TNFRSF9: variants seen among roughly 807,000 people sequenced by gnomAD.
The protein encoded by TNFRSF9 is TNF receptor superfamily member 9, also known as tumor necrosis factor receptor superfamily member 9.
A neutral mutation model predicts 28.8 loss-of-function variants in TNFRSF9; 16 were observed. That is an observed-to-expected ratio of 0.55 (90% CI 0.38 to 0.84). The LOEUF (loss-of-function observed/expected upper bound fraction) is 0.84. Ranked by LOEUF, TNFRSF9 falls within the 40% of genes least tolerant of loss-of-function variation. The probability of loss-of-function intolerance (pLI) is 0.00; values close to 1 mark genes in which losing one functional copy is unlikely to be tolerated. For missense variants in TNFRSF9, 303 were observed against 315.0 expected (o/e 0.96, Z 0.29); for synonymous variants, 131 against 117.0 (o/e 1.12, Z -0.77).
chr1:7,935,791 A>G (rs796696657), intron 5 of TNFRSF9, among the ~76,000 whole-genome samples: 5 of 152,222 alleles, frequency 3.3e-5, no homozygotes, highest in African/African-American at 1.2e-4. Context: ...CAGGAGTTTG[A>G]CGCTGTCTCA....
intron 6 of TNFRSF9, among the ~76,000 whole-genome samples, chr1:7,934,698 C>T (rs533934032): frequency 6.6e-6 from 1 of 151,574 alleles, no homozygotes; most frequent in African/African-American, 2.4e-5. Flanking sequence ...CAGAGCAAGA[C>T]ACTCTCTTAA....
At chr1:7,934,992 G>A (rs368813924) in intron 6 of TNFRSF9, 21 bp downstream of exon 6, 345 of 1,612,702 alleles carry the variant, frequency 2.1e-4, no homozygotes, top group Non-Finnish European at 2.7e-4. Flanking sequence ...GCACTTTGGC[G>A]TAAAGGCATA....
chr1:7,926,715 A>G (rs1157235859), intron 7 of TNFRSF9, among the ~76,000 whole-genome samples: 2 of 152,196 alleles, frequency 1.3e-5, no homozygotes, highest in African/African-American at 4.8e-5. Flanking sequence ...GCTGTGTGGT[A>G]TTGGCAGAAG....
chr1:7,934,105 G>A (rs1639779975), intron 6 of TNFRSF9, among the ~76,000 whole-genome samples: 1 of 152,184 alleles, frequency 6.6e-6, no homozygotes, highest in Non-Finnish European at 1.5e-5. Flanking sequence ...ACCAGGCGTG[G>A]CGGCTTATGC....
intron 7 of TNFRSF9, among the ~76,000 whole-genome samples, chr1:7,921,602 A>C (rs926772296): frequency 6.6e-6 from 1 of 151,964 alleles, no homozygotes; most frequent in African/African-American, 2.4e-5. Context: ...TGGGAGGTGG[A>C]GGTTGCAGTG....
chr1:7,937,920 G>T (rs569858218), intron 4 of TNFRSF9, among the ~76,000 whole-genome samples, 164 bp from the exon 5 acceptor site: 1 of 152,154 alleles, frequency 6.6e-6, no homozygotes, highest in Admixed American at 6.5e-5. Flanking sequence ...TATTTTAATT[G>T]TACATAAAGT....
intron 4 of TNFRSF9, 45 bp downstream of exon 4, chr1:7,938,148 G>A (rs781459481): frequency 2.7e-6 from 4 of 1,490,582 alleles, no homozygotes; most frequent in East Asian, 2.5e-5. Context: ...AGCTAAGTTT[G>A]TCTATGTCAC....
intron 6 of TNFRSF9, 116 bp downstream of exon 6, chr1:7,934,897 G>T: frequency 7.3e-7 from 1 of 1,375,004 alleles, no homozygotes; most frequent in Non-Finnish European, 1.0e-6. Flanking sequence ...GCAGGATTCA[G>T]GAAGAATGCA....
Position 7,920,924 on chromosome 1 carries a change from C to G in TNFRSF9, c.680-1G>C. The G allele has an allele frequency of 1.9e-6, 3 of 1,603,272 alleles. No individual in the cohort carries two copies. In the East Asian group the frequency reaches 6.7e-5, roughly 36 times the overall value. On this transcript the variant is annotated splice_acceptor_variant, in intron 7 of 7. Coordinates refer to ENST00000377507, the MANE Select transcript of TNFRSF9 (RefSeq NM_001561.6). LOFTEE classifies it high-confidence loss of function. ...GTAGTTTGTACTGGTCTCATAAATG[C>G]TAAAAAAAAAATTTTAAGATACGTA...
intron 7 of TNFRSF9, among the ~76,000 whole-genome samples, chr1:7,925,234 GGAGGTGC>G (rs1014237684): frequency 1.8e-4 from 27 of 151,990 alleles, no homozygotes; most frequent in African/African-American, 6.5e-4. Context: ...CTTGAACCTG[GGAGGTGC>G]AGGCTGCAGT....
At chr1:7,940,144 A>G (rs565381716) in intron 1 of TNFRSF9, 66 bp from the exon 2 acceptor site, 6 of 536,442 alleles carry the variant, frequency 1.1e-5, no homozygotes, top group Non-Finnish European at 2.0e-5. Flanking sequence ...TATTGCAATC[A>G]TTACTTATAC....
chr1:7,926,763 C>T (rs142998923), intron 7 of TNFRSF9, among the ~76,000 whole-genome samples: 1 of 152,212 alleles, frequency 6.6e-6, no homozygotes, highest in East Asian at 1.9e-4. Flanking sequence ...AGAGGGAAAC[C>T]AGATAGCCCC....
rs918888748 is a variant in TNFRSF9, at chr1:7,918,433, T to A, written c.*2402A>T. 2 of 151,944 alleles carry A rather than the reference T, an allele frequency of 1.3e-5. No homozygotes were observed. The highest frequency in any genetic ancestry group is 2.4e-5 in the African/African-American group (1 of 41,378). 9.4% of individuals were successfully genotyped at this position (151,944 alleles called of 1,614,324 possible). Reference sequence around the variant, plus strand: ...TTTCTCTGTTGCCCAGGCTGAAGTGTAGTGATGCGGTCCCAGCTCACTGCA... The same window carrying A: ...TTTCTCTGTTGCCCAGGCTGAAGTGAAGTGATGCGGTCCCAGCTCACTGCA... On this transcript the variant is annotated 3_prime_UTR_variant, in exon 8 of 8. Coordinates refer to ENST00000377507, the MANE Select transcript of TNFRSF9 (RefSeq NM_001561.6).
At chr1:7,936,810 C>T (rs2151419405) in intron 5 of TNFRSF9, among the ~76,000 whole-genome samples, 1 of 152,342 alleles carries the variant, frequency 6.6e-6, no homozygotes, top group East Asian at 1.9e-4. Flanking sequence ...CATTACTCTG[C>T]CAATTTGCCT....
rs61446318 is a variant in TNFRSF9, at chr1:7,939,911, A to G, written c.84T>C (p.Cys28=). ...FERTRSLQDP[C]SNCPAGTFCD... ...GGTACTCACCAGCTGGGCAGTTACTACAAGGATCCTGCAATGATCTTGTCC... is the reference window on the plus strand; with the variant it reads ...GGTACTCACCAGCTGGGCAGTTACTGCAAGGATCCTGCAATGATCTTGTCC... The change falls in exon 2 of 8, where the codon TGT becomes TGC. Residue 28 remains cysteine, a synonymous_variant. Transcript: ENST00000377507. The G allele has an allele frequency of 2.7e-3, 4,362 of 1,599,736 alleles. 114 individuals are homozygous for G. In the African/African-American group the frequency reaches 0.05, roughly 18 times the overall value.
chr1:7,916,089 C>A lies in TNFRSF9; in HGVS notation c.*4746G>T, dbSNP rs966738145. The stretch of plus-strand genomic sequence containing the variant: ...CTTTATAGTCATCCGCCCCTCACAT[C>A]AAAACTTTCCGTCAGAGTGATATCT... On this transcript the variant is annotated 3_prime_UTR_variant, in exon 8 of 8. Transcript: ENST00000377507. 2 of 151,960 alleles carry A rather than the reference C, an allele frequency of 1.3e-5. No individual in the cohort carries two copies. Among genetic ancestry groups the A allele is most frequent in the African/African-American group, 4.8e-5 (2 of 41,396 alleles). 9.4% of individuals were successfully genotyped at this position (151,960 alleles called of 1,614,324 possible). A position where few individuals can be genotyped will look rare whatever the true frequency, so the allele number is the denominator to read the frequency against.
At chr1:7,921,354 A>G (rs1218037811) in intron 7 of TNFRSF9, among the ~76,000 whole-genome samples, 2 of 149,344 alleles carry the variant, frequency 1.3e-5, no homozygotes, top group Non-Finnish European at 1.5e-5. Flanking sequence ...AAAACAAAAC[A>G]AAACAAAACA....
chr1:7,938,356 A>G, intron 3 of TNFRSF9, 26 bp from the exon 4 acceptor site: 1 of 1,565,572 alleles, frequency 6.4e-7, no homozygotes, highest in Non-Finnish European at 8.7e-7. Context: ...AGCCCCCAAC[A>G]TTTTATTACA....
At chr1:7,927,710 A>T (rs982867589) in intron 7 of TNFRSF9, among the ~76,000 whole-genome samples, 15 of 151,738 alleles carry the variant, frequency 9.9e-5, no homozygotes, top group African/African-American at 3.6e-4. Flanking sequence ...AGAAAACTGT[A>T]AAAGTTATAA....
Sources: gnomAD v4.1 joint callset for allele counts (sites outside exome capture counted in the v4.1 genomes callset) on GRCh38, gnomAD v4.1.1 for gene constraint, MANE v1.5 for transcripts, NCBI Gene and HGNC (gene_info 2026-07-23, HGNC 2026-07-21) for gene names.